Variants in OGFRL1 observed in about 807,000 individuals in gnomAD.
The protein encoded by OGFRL1 is opioid growth factor receptor like 1.
Under a neutral mutation model 32.4 loss-of-function variants are expected in OGFRL1, and 26 were observed. The observed-to-expected ratio is 0.80, with a 90% CI of 0.59 to 1.11. The LOEUF is 1.11. Ranked by LOEUF, OGFRL1 falls within the 50% of genes most tolerant of loss-of-function variation. OGFRL1 has a pLI of 0.00. For synonymous variants in OGFRL1, 211 were observed against 201.2 expected, an observed-to-expected ratio of 1.05 and a Z score of -0.41; for missense variants, 521 against 546.4, an observed-to-expected ratio of 0.95 and a Z score of 0.46.
chr6:71,299,498 A>G (rs1766318783), intron 6 of OGFRL1, among the ~76,000 whole-genome samples: 1 of 152,182 alleles, frequency 6.6e-6, no homozygotes, highest in South Asian at 2.1e-4. Context: ...GTAAATGTGT[A>G]CAGAAATTTT....
rs1766411005 is a variant in OGFRL1, at chr6:71,301,960, C to T, written c.1267C>T (p.Pro423Ser). The change falls in exon 7 of 7, where the codon CCT (proline) becomes TCT (serine). Residue 423 changes from proline (P) to serine (S), a missense_variant. By Grantham distance (74) the Pro-to-Ser change is moderately conservative. Transcript: ENST00000370435. Reference sequence around the variant, plus strand: ...CACAGAAAAAAAGGAGAGTGTATCTCCTGAGAATAACGAAGAAGGTGGAAA... The same window carrying T: ...CACAGAAAAAAAGGAGAGTGTATCTTCTGAGAATAACGAAGAAGGTGGAAA... Reference protein sequence around the residue: ...TPTEKKESVSPENNEEGGNDN... With the variant: ...TPTEKKESVSSENNEEGGNDN... 1 of 1,605,292 alleles carries T rather than the reference C, an allele frequency of 6.2e-7. No individual in the cohort carries two copies. Among genetic ancestry groups the T allele is most frequent in the African/African-American group, 1.3e-5 (1 of 74,188 alleles).
At chr6:71,297,180 T>C (rs1766236824) in intron 6 of OGFRL1, among the ~76,000 whole-genome samples, 1 of 152,194 alleles carries the variant, frequency 6.6e-6, no homozygotes, top group African/African-American at 2.4e-5. Flanking sequence ...GGCTGTAAGC[T>C]TCTTGGGGCA....
At position 71,301,460 on chromosome 6, in the gene OGFRL1, C is replaced by T; in HGVS notation, c.767C>T (p.Ser256Phe). ...LGELGYESFK[S>F]PLVKFILHEA... is the part of the protein sequence containing the mutation. ...GAGCTTGGATATGAAAGTTTTAAAT[C>T]TCCTCTTGTAAAATTTATTCTTCAT... Residue 256 changes from serine to phenylalanine, a missense_variant, in exon 7 of 7, where the codon TCT (serine) becomes TTT (phenylalanine). Physicochemically the swap from Ser to Phe is radical, Grantham distance 155 (BLOSUM62 -2). Transcript: ENST00000370435. The T allele has an allele frequency of 6.2e-7, 1 of 1,611,730 alleles. No homozygotes were observed. Among genetic ancestry groups the T allele is most frequent in the Non-Finnish European group, 8.5e-7 (1 of 1,179,386 alleles).
chr6:71,301,874 C>G lies in OGFRL1; in HGVS notation c.1181C>G (p.Thr394Arg), dbSNP rs773278608. ...PSNEAAKPRN[T>R]EKDSNAENMN... ...AATGAAGCTGCCAAGCCAAGAAATACAGAGAAGGACAGTAATGCTGAGAAC... is the reference window on the plus strand; with the variant it reads ...AATGAAGCTGCCAAGCCAAGAAATAGAGAGAAGGACAGTAATGCTGAGAAC... The change falls in exon 7 of 7, where the codon ACA becomes AGA. Residue 394 changes from threonine to arginine, a missense_variant. By Grantham distance (71) the Thr-to-Arg change is moderately conservative. Coordinates refer to ENST00000370435, the MANE Select transcript of OGFRL1 (RefSeq NM_024576.5). 5.6e-6 allele frequency: 9 copies of G among 1,612,896 alleles called. No homozygotes were observed. The South Asian group carries it at 9.9e-5, about 18-fold the overall frequency.
intron 3 of OGFRL1, 32 bp downstream of exon 3, chr6:71,293,643 T>A: frequency 7.3e-7 from 1 of 1,374,004 alleles, no homozygotes; most frequent in East Asian, 2.3e-5. Flanking sequence ...AAATTGCACT[T>A]TAAATAATCA....
In OGFRL1 at chr6:71,288,885, C is replaced by T; in HGVS notation, c.-52C>T. On this transcript the variant is annotated 5_prime_UTR_variant, in exon 1 of 7. Transcript: ENST00000370435. ...CATGCCCGGGCCCTAGAGCGCCTGC[C>T]GCAGCTTGCGCCCCGCAGCCCCGCA... is the stretch of plus-strand genomic sequence containing the variant. 5.0e-6 allele frequency: 6 copies of T among 1,204,516 alleles called. No individual in the cohort carries two copies. Among genetic ancestry groups the T allele is most frequent in the Non-Finnish European group, 5.2e-6 (5 of 955,382 alleles). 74.6% of individuals were successfully genotyped at this position (1,204,516 alleles called of 1,614,324 possible).
intron 6 of OGFRL1, among the ~76,000 whole-genome samples, chr6:71,299,114 T>A (rs1766305610): frequency 6.6e-6 from 1 of 152,190 alleles, no homozygotes; most frequent in South Asian, 2.1e-4. Flanking sequence ...TGAGCCATAT[T>A]TAGACCCTGG....
intron 1 of OGFRL1, chr6:71,289,484 T>C (rs1016244570): frequency 2.3e-5 from 22 of 956,946 alleles, no homozygotes; most frequent in East Asian, 1.3e-4. Flanking sequence ...TATGCGAAGG[T>C]GGGGTGGGAG....
At chr6:71,300,777 G>T (rs528779465) in intron 6 of OGFRL1, among the ~76,000 whole-genome samples, 1 of 152,330 alleles carries the variant, frequency 6.6e-6, no homozygotes, top group Non-Finnish European at 1.5e-5. Flanking sequence ...GAGCCAGGGT[G>T]TGAACTCAGG....
Position 71,303,437 on chromosome 6 carries a change from A to G in OGFRL1, c.*1388A>G, listed in dbSNP as rs1766459385. The stretch of plus-strand genomic sequence containing the variant: ...TAACTGTTTTCAGAATTAAGTGCTT[A>G]AAAACAAATTTGATTGAAAAGTTCA... On this transcript the variant is annotated 3_prime_UTR_variant, in exon 7 of 7. Coordinates refer to ENST00000370435, the MANE Select transcript of OGFRL1 (RefSeq NM_024576.5). 6.6e-6 allele frequency: 1 copy of G among 152,226 alleles called. No individual in the cohort carries two copies. Among genetic ancestry groups the G allele is most frequent in the South Asian group, 2.1e-4 (1 of 4,834 alleles). The allele number at this position is 152,226 out of a possible 1,614,324, so 9.4% of individuals were successfully genotyped here.
chr6:71,293,472 G>A, intron 2 of OGFRL1, 61 bp from the exon 3 acceptor site: 1 of 1,559,520 alleles, frequency 6.4e-7, no homozygotes, highest in Non-Finnish European at 8.8e-7. Context: ...TGCATGAAGG[G>A]TCCTTGTATC....
intron 1 of OGFRL1, chr6:71,289,547 G>GAAAAA: frequency 4.0e-6 from 1 of 252,314 alleles, no homozygotes; most frequent in Non-Finnish European, 4.8e-6. Context: ...TGTGTTATTG[G>GAAAAA]TAAAAAAAAA....
At position 71,308,685 on chromosome 6, in the gene OGFRL1, A is replaced by G. The variant is rs1766628870; in HGVS notation, c.*6636A>G. 6.6e-6 allele frequency: 1 copy of G among 152,206 alleles called. No homozygotes were observed. Among genetic ancestry groups the G allele is most frequent in the South Asian group, 2.1e-4 (1 of 4,836 alleles). 9.4% of individuals were successfully genotyped at this position (152,206 alleles called of 1,614,324 possible). A position where few individuals can be genotyped will look rare whatever the true frequency, so the allele number is the denominator to read the frequency against. The stretch of plus-strand genomic sequence containing the variant: ...TATGGTACTATAAAATACTTATTTT[A>G]TAATTCTGTAACCGTATGGCAGTGT... On this transcript the variant is annotated 3_prime_UTR_variant, in exon 7 of 7. Coordinates refer to ENST00000370435, the MANE Select transcript of OGFRL1 (RefSeq NM_024576.5).
At chr6:71,294,315 C>T (rs974704557) in intron 3 of OGFRL1, among the ~76,000 whole-genome samples, 1 of 152,046 alleles carries the variant, frequency 6.6e-6, no homozygotes, top group Non-Finnish European at 1.5e-5. Flanking sequence ...TAATTTTATC[C>T]AGGTCACCCT....
In OGFRL1 at chr6:71,306,397, G is replaced by T. The variant is rs1160722460; in HGVS notation, c.*4348G>T. 1 of 152,000 alleles carries T rather than the reference G, an allele frequency of 6.6e-6. No individual in the cohort carries two copies. Among genetic ancestry groups the T allele is most frequent in the Non-Finnish European group, 1.5e-5 (1 of 68,004 alleles). 9.4% of individuals were successfully genotyped at this position (152,000 alleles called of 1,614,324 possible). A position where few individuals can be genotyped will look rare whatever the true frequency, so the allele number is the denominator to read the frequency against. ...AACACACCCAGCAGATTGTGTTCAGGGACAGAATGTGTTTTTAGAAATCCC... is the reference window on the plus strand; with the variant it reads ...AACACACCCAGCAGATTGTGTTCAGTGACAGAATGTGTTTTTAGAAATCCC... On this transcript the variant is annotated 3_prime_UTR_variant, in exon 7 of 7. Transcript: ENST00000370435.
At chr6:71,291,023 A>C (rs1210599202) in intron 1 of OGFRL1, among the ~76,000 whole-genome samples, 2 of 152,200 alleles carry the variant, frequency 1.3e-5, no homozygotes, top group African/African-American at 4.8e-5. Context: ...TGGGAAGATA[A>C]GGGGTTATCA....
intron 1 of OGFRL1, among the ~76,000 whole-genome samples, chr6:71,292,688 T>C (rs1489545444): frequency 6.6e-6 from 1 of 152,196 alleles, no homozygotes; most frequent in Non-Finnish European, 1.5e-5. Flanking sequence ...ATTTTAAATG[T>C]TTATATCACA....
In OGFRL1 at chr6:71,302,076, T is replaced by C. The variant is rs1766417148; in HGVS notation, c.*27T>C. On this transcript the variant is annotated 3_prime_UTR_variant, in exon 7 of 7. Coordinates refer to ENST00000370435, the MANE Select transcript of OGFRL1 (RefSeq NM_024576.5). ...TTATCAGAAAACCCAGAAGCCAGTT[T>C]AGGCTAGAGAGGAAAAAACTACTGT... 3 of 1,481,540 alleles carry C rather than the reference T, an allele frequency of 2.0e-6. No homozygotes were observed. Among genetic ancestry groups the C allele is most frequent in the Non-Finnish European group, 2.7e-6 (3 of 1,126,532 alleles). The allele number at this position is 1,481,540 out of a possible 1,614,324, so 91.8% of individuals were successfully genotyped here. A position where few individuals can be genotyped will look rare whatever the true frequency, so the allele number is the denominator to read the frequency against.
In OGFRL1 at chr6:71,305,231, G is replaced by A. The variant is rs1318237814; in HGVS notation, c.*3182G>A. On this transcript the variant is annotated 3_prime_UTR_variant, in exon 7 of 7. Transcript: ENST00000370435. ...TTTCATGGCAAATAGATGTTATATC[G>A]CTTGATTAGTCTAGAACATTTCTAA... is the stretch of plus-strand genomic sequence containing the variant. The A allele has an allele frequency of 2.0e-5, 3 of 151,762 alleles. No homozygotes were observed. The highest frequency in any genetic ancestry group is 1.9e-4 in the East Asian group (1 of 5,182). 9.4% of individuals were successfully genotyped at this position (151,762 alleles called of 1,614,324 possible).
Sources: allele counts gnomAD v4.1 joint callset (sites outside exome capture counted in the v4.1 genomes callset), GRCh38; gene constraint gnomAD v4.1.1; transcripts MANE v1.5; gene names NCBI Gene and HGNC (gene_info 2026-07-23, HGNC 2026-07-21).